SCN8A: variants seen among roughly 807,000 people sequenced by gnomAD.
The protein encoded by SCN8A is sodium channel protein type 8 subunit alpha.
SCN8A carries 30 observed loss-of-function variants against 184.1 expected under a neutral mutation model. The ratio of observed to expected loss-of-function variants is 0.16; its 90% CI spans 0.12 to 0.22. The LOEUF (loss-of-function observed/expected upper bound fraction) is 0.22. SCN8A is among the 10% of genes least tolerant of loss of function. The probability of loss-of-function intolerance (pLI) is 1.00; values close to 1 mark genes in which losing one functional copy is unlikely to be tolerated. For synonymous variants in SCN8A, 852 were observed against 907.0 expected (o/e 0.94, Z 1.09); for missense variants, 1,057 against 2,498.9 (o/e 0.42, Z 12.30).
Position 51,786,649 on chromosome 12 carries a change from G to A in SCN8A, c.4050G>A (p.Ala1350=), listed in dbSNP as rs1197438038. 6.2e-7 allele frequency: 1 copy of A among 1,613,860 alleles called. No homozygotes were observed. The highest frequency in any genetic ancestry group is 1.3e-5 in the African/African-American group (1 of 74,896). The change falls in exon 22 of 27, where the codon GCG becomes GCA. Residue 1350 remains alanine (A), a synonymous_variant. Transcript: ENST00000627620. ...IFSIMGVNLF[A]GKYHYCFNET... ...GCATCATGGGAGTTAACTTGTTTGC[G>A]GGAAAGTACCACTACTGCTTTAATG...
chr12:51,666,130 C>CA (rs1327485743), intron 2 of SCN8A, among the ~76,000 whole-genome samples: 2 of 152,060 alleles, frequency 1.3e-5, no homozygotes, highest in Non-Finnish European at 2.9e-5. Flanking sequence ...CTGGATTGGA[C>CA]AAAAAAGTAG....
chr12:51,630,700 C>G (rs1173394798), intron 1 of SCN8A, among the ~76,000 whole-genome samples: 3 of 152,098 alleles, frequency 2.0e-5, no homozygotes, highest in African/African-American at 7.2e-5. Flanking sequence ...TTCCTCTCCT[C>G]ACCTTTTTGA....
At chr12:51,787,254 A>G (rs1489181576) in intron 22 of SCN8A, among the ~76,000 whole-genome samples, 1 of 152,206 alleles carries the variant, frequency 6.6e-6, no homozygotes, top group African/African-American at 2.4e-5. Context: ...GGAAAAAACC[A>G]TGGCAGTGCC....
chr12:51,693,973 C>T (rs750090734), intron 6 of SCN8A, among the ~76,000 whole-genome samples: 11 of 152,204 alleles, frequency 7.2e-5, no homozygotes, highest in East Asian at 1.9e-4. Context: ...GCTGTTGTCA[C>T]GCAGGCTGGA....
intron 7 of SCN8A, among the ~76,000 whole-genome samples, chr12:51,700,650 A>G (rs1941671441): frequency 6.6e-6 from 1 of 152,240 alleles, no homozygotes; most frequent in Non-Finnish European, 1.5e-5. Context: ...AAATAAAGTC[A>G]GTTTAGTAAC....
At chr12:51,710,739 C>A (rs950724804) in intron 11 of SCN8A, among the ~76,000 whole-genome samples, 1 of 152,200 alleles carries the variant, frequency 6.6e-6, no homozygotes, top group African/African-American at 2.4e-5. Context: ...ATTTCTGCAT[C>A]ATAGTTATTC....
intron 25 of SCN8A, among the ~76,000 whole-genome samples, chr12:51,792,755 T>C (rs1938299240): frequency 6.6e-6 from 1 of 152,142 alleles, no homozygotes; most frequent in South Asian, 2.1e-4. Context: ...TTTTGTTTTA[T>C]GTTTTGAGAC....
Position 51,770,514 on chromosome 12 carries a change from T to C in SCN8A, c.3491-15T>C. Reference sequence around the variant, plus strand: ...ACGTTTCCACGGTCTGACCCGCCTCTCCCGCTGGTGCCAGGTTGTGTCCAG... The same window carrying C: ...ACGTTTCCACGGTCTGACCCGCCTCCCCCGCTGGTGCCAGGTTGTGTCCAG... On this transcript the variant is annotated splice_polypyrimidine_tract_variant and intron_variant, in intron 18 of 26. Transcript: ENST00000627620. 1 of 1,577,598 alleles carries C rather than the reference T, an allele frequency of 6.3e-7. No individual in the cohort carries two copies. The highest frequency in any genetic ancestry group is 8.6e-7 in the Non-Finnish European group (1 of 1,160,058).
In SCN8A at chr12:51,806,185, CT is replaced by C; in HGVS notation, c.4796-94del. The C allele has an allele frequency of 8.3e-7, 1 of 1,202,048 alleles. No individual in the cohort carries two copies. The allele number at this position is 1,202,048 out of a possible 1,614,324, so 74.5% of individuals were successfully genotyped here. The stretch of plus-strand genomic sequence containing the variant: ...AGTAAGGCACTTATTCTGCAAAGCC[CT>C]TTGAACCTAAGGGTTCCACAATGCC... On this transcript the variant is annotated intron_variant, in intron 26 of 26. Coordinates refer to ENST00000627620, the MANE Select transcript of SCN8A (RefSeq NM_001330260.2). This position sits in a 1 kb window ranked among gnomAD's most constrained non-coding sequence, Gnocchi z 8.7.
Position 51,811,676 on chromosome 12 carries a change from C to T in SCN8A, c.*4247C>T, listed in dbSNP as rs1305880319. 6.6e-6 allele frequency: 1 copy of T among 152,446 alleles called. No homozygotes were observed. The highest frequency in any genetic ancestry group is 2.4e-5 in the African/African-American group (1 of 41,438). 9.4% of individuals were successfully genotyped at this position (152,446 alleles called of 1,614,324 possible). On this transcript the variant is annotated 3_prime_UTR_variant, in exon 27 of 27. Coordinates refer to ENST00000627620, the MANE Select transcript of SCN8A (RefSeq NM_001330260.2). ...CCCTTTGGGGACATCCCTCTCTAGG[C>T]CTAGGCCATGTCTCCTGGTTCAGGA...
chr12:51,623,482 C>T (rs928988308), intron 1 of SCN8A, among the ~76,000 whole-genome samples: 2 of 152,124 alleles, frequency 1.3e-5, no homozygotes, highest in Non-Finnish European at 1.5e-5. Context: ...TGTTCAAACC[C>T]TTACACATGT....
chr12:51,678,317 T>C (rs1941262057), intron 2 of SCN8A, among the ~76,000 whole-genome samples: 1 of 152,236 alleles, frequency 6.6e-6, no homozygotes, highest in Admixed American at 6.5e-5. Flanking sequence ...AGTATGGTAC[T>C]ATCAAGCACT....
chr12:51,646,544 T>G (rs1172846367), intron 1 of SCN8A, among the ~76,000 whole-genome samples: 1 of 152,210 alleles, frequency 6.6e-6, no homozygotes, highest in Non-Finnish European at 1.5e-5. Context: ...TTGTATATTA[T>G]GTATATTTTA....
chr12:51,628,777 C>G (rs1408488972), intron 1 of SCN8A, among the ~76,000 whole-genome samples: 7 of 152,122 alleles, frequency 4.6e-5, no homozygotes, highest in Admixed American at 4.6e-4. Flanking sequence ...GGCAGATACC[C>G]ACCTGTTTCA....
At chr12:51,618,295 C>T (rs1939884353) in intron 1 of SCN8A, among the ~76,000 whole-genome samples, 1 of 152,092 alleles carries the variant, frequency 6.6e-6, no homozygotes, top group Non-Finnish European at 1.5e-5. Context: ...GAAACACACA[C>T]ACAATTCAGA....
intron 2 of SCN8A, among the ~76,000 whole-genome samples, chr12:51,675,857 T>C (rs371749906): frequency 6.6e-6 from 1 of 152,212 alleles, no homozygotes; most frequent in African/African-American, 2.4e-5. Context: ...TTTTATCATC[T>C]GTAAAATAGT....
At chr12:51,769,743 T>A (rs1942893949) in intron 17 of SCN8A, 125 bp from the exon 18 acceptor site, 1 of 694,420 alleles carries the variant, frequency 1.4e-6, no homozygotes, top group South Asian at 1.6e-5. Flanking sequence ...TTATCGCGAG[T>A]TGTAGTAAGA....
At chr12:51,643,748 CT>C in intron 1 of SCN8A, among the ~76,000 whole-genome samples, 1 of 152,274 alleles carries the variant, frequency 6.6e-6, no homozygotes, top group East Asian at 1.9e-4. Flanking sequence ...TTGAAAAAGA[CT>C]TCCACTGATT....
intron 3 of SCN8A, 39 bp downstream of exon 3, chr12:51,684,331 G>A: frequency 1.1e-6 from 1 of 951,500 alleles, no homozygotes. Flanking sequence ...TGCGGCAATT[G>A]CATGGTTGCT....
Sources: allele counts gnomAD v4.1 joint callset (sites outside exome capture counted in the v4.1 genomes callset), GRCh38; gene constraint gnomAD v4.1.1; non-coding constraint Gnocchi (gnomAD v3.1); transcripts MANE v1.5; gene names NCBI Gene and HGNC (gene_info 2026-07-23, HGNC 2026-07-21).